Variants in RASSF8 observed in about 807,000 individuals in gnomAD.
RASSF8 encodes Ras association domain family member 8.
In RASSF8, 22 loss-of-function variants were observed where a neutral mutation model predicts 48.5. That is an observed-to-expected ratio of 0.45 (90% CI 0.32 to 0.65). The LOEUF (loss-of-function observed/expected upper bound fraction) is 0.65. Ranked by LOEUF, RASSF8 falls within the 30% of genes least tolerant of loss-of-function variation. The pLI is 0.03. For missense variants in RASSF8, 418 were observed against 489.2 expected, an observed-to-expected ratio of 0.85 and a Z score of 1.37; for synonymous variants, 127 against 171.5, an observed-to-expected ratio of 0.74 and a Z score of 2.03.
At chr12:25,984,455 G>T (rs562060817) in intron 1 of RASSF8, among the ~76,000 whole-genome samples, 42 of 152,100 alleles carry the variant, frequency 2.8e-4, no homozygotes, top group African/African-American at 9.6e-4. Flanking sequence ...CAATTCTCTG[G>T]CCTCAGCCTC....
intron 1 of RASSF8, among the ~76,000 whole-genome samples, chr12:25,964,305 A>T (rs955345044): frequency 3.1e-4 from 46 of 148,374 alleles, no homozygotes; most frequent in East Asian, 3.9e-4. Context: ...TTTTTTTTTT[A>T]AATCACATTC....
At chr12:26,075,780 AAAC>A (rs1316494833), downstream of RASSF8, among the ~76,000 whole-genome samples, 10 of 152,186 alleles carry the variant, frequency 6.6e-5, no homozygotes, top group Non-Finnish European at 1.5e-4. Flanking sequence ...TTTAAACAAG[AAAC>A]AATCAGCAAC....
intron 1 of RASSF8, among the ~76,000 whole-genome samples, chr12:25,961,143 T>C (rs1941223770): frequency 6.6e-6 from 1 of 151,928 alleles, no homozygotes; most frequent in Non-Finnish European, 1.5e-5. Flanking sequence ...AATGATTAGT[T>C]CTTCAGGGTT....
chr12:26,071,194 A>G lies in RASSF8; in HGVS notation c.*2376A>G. ...TTTTCTAAGACTCAGAGGGAAAAAAACTCGTTTTCATAGGATCATCTGAAG... is the reference window on the plus strand; with the variant it reads ...TTTTCTAAGACTCAGAGGGAAAAAAGCTCGTTTTCATAGGATCATCTGAAG... On this transcript the variant is annotated 3_prime_UTR_variant, in exon 6 of 6. Coordinates refer to ENST00000689635, the MANE Select transcript of RASSF8 (RefSeq NM_001394098.1). 1 of 979,342 alleles carries G rather than the reference A, an allele frequency of 1.0e-6. No homozygotes were observed. The highest frequency in any genetic ancestry group is 1.2e-6 in the Non-Finnish European group (1 of 824,482). The allele number at this position is 979,342 out of a possible 1,614,324, so 60.7% of individuals were successfully genotyped here.
intron 3 of RASSF8, among the ~76,000 whole-genome samples, chr12:26,060,148 C>T (rs1943708023): frequency 6.6e-6 from 1 of 151,650 alleles, no homozygotes; most frequent in African/African-American, 2.4e-5. Flanking sequence ...CTGCCCGCCT[C>T]GGCCTCCCAA....
At chr12:26,007,603 T>C (rs991964105) in intron 2 of RASSF8, among the ~76,000 whole-genome samples, 1 of 152,162 alleles carries the variant, frequency 6.6e-6, no homozygotes, top group African/African-American at 2.4e-5. Flanking sequence ...AGTGGGTCTT[T>C]AGAGAGGCCT....
chr12:26,057,827 G>C (rs12306124), intron 3 of RASSF8, among the ~76,000 whole-genome samples: 32,604 of 152,056 alleles, frequency 0.21, 3,658 homozygotes, highest in African/African-American at 0.28. Flanking sequence ...ATTCCAACTG[G>C]TGTGAGATGG....
chr12:26,014,260 A>G (rs746250721), intron 2 of RASSF8, among the ~76,000 whole-genome samples: 9 of 152,232 alleles, frequency 5.9e-5, no homozygotes, highest in Non-Finnish European at 1.0e-4. Context: ...GGCAGACATA[A>G]TTAGTTGATC....
chr12:25,973,520 G>C (rs1941532076), intron 1 of RASSF8, among the ~76,000 whole-genome samples: 4 of 152,158 alleles, frequency 2.6e-5, no homozygotes, highest in Admixed American at 2.6e-4. Context: ...CTTAACTTGA[G>C]ATGCTGAGTT....
intron 2 of RASSF8, among the ~76,000 whole-genome samples, chr12:26,015,199 C>A (rs1441559425): frequency 7.2e-6 from 1 of 138,844 alleles, no homozygotes; most frequent in Admixed American, 7.0e-5. Context: ...AGAATGAGAT[C>A]CCGTCTCAAA....
chr12:25,966,739 C>T lies in RASSF8; in HGVS notation c.-203+7591C>T, dbSNP rs140268179. Among the ~76,000 whole-genome samples, 471 of 152,214 alleles carry T rather than the reference C, an allele frequency of 3.1e-3. 6 individuals carry two copies. The highest frequency in any genetic ancestry group is 0.011 in the African/African-American group (448 of 41,548). On this transcript the variant is annotated intron_variant, in intron 1 of 5. Transcript: ENST00000689635. Reference sequence around the variant, plus strand: ...GAATTTCTCCCAGTTTGTGTCTCATCGTTTTCTTAACAGTGACTTTTGAAA... The same window carrying T: ...GAATTTCTCCCAGTTTGTGTCTCATTGTTTTCTTAACAGTGACTTTTGAAA...
chr12:26,065,148 A>G lies in RASSF8; in HGVS notation c.754A>G (p.Thr252Ala), dbSNP rs753080743. 5.6e-6 allele frequency: 9 copies of G among 1,613,972 alleles called. No homozygotes were observed. The highest frequency in any genetic ancestry group is 3.3e-4 in the Middle Eastern group (2 of 6,062). The part of the protein sequence containing the change: ...DQLQEIRQKI[T>A]ECENKLKDYL... ...ACTTCAAGAAATAAGACAGAAAATA[A>G]CAGAATGTGAAAACAAATTAAAGGA... Residue 252 changes from threonine (T) to alanine (A), a missense_variant, in exon 4 of 6, where the codon ACA (threonine) becomes GCA (alanine). Transcript: ENST00000689635.
chr12:26,002,462 G>A (rs1175853100), intron 2 of RASSF8, among the ~76,000 whole-genome samples: 1 of 151,102 alleles, frequency 6.6e-6, no homozygotes, highest in Non-Finnish European at 1.5e-5. Flanking sequence ...AAAACAAATA[G>A]AGTTAATACC....
At chr12:25,998,471 T>G (rs1470612595) in intron 2 of RASSF8, among the ~76,000 whole-genome samples, 1 of 151,694 alleles carries the variant, frequency 6.6e-6, no homozygotes, top group Non-Finnish European at 1.5e-5. Flanking sequence ...TGCCTCAGCC[T>G]CTGGAGTAGC....
At chr12:26,025,248 G>A (rs1458813203) in intron 2 of RASSF8, among the ~76,000 whole-genome samples, 1 of 151,914 alleles carries the variant, frequency 6.6e-6, no homozygotes, top group Non-Finnish European at 1.5e-5. Flanking sequence ...AGACACTTAG[G>A]CAAGAACATG....
chr12:26,037,118 G>T (rs1035603577), intron 2 of RASSF8, among the ~76,000 whole-genome samples: 3 of 152,126 alleles, frequency 2.0e-5, no homozygotes, highest in Admixed American at 2.0e-4. Context: ...GACTATAAAA[G>T]CCGTAAAGAT....
chr12:26,006,313 A>G (rs1372777658), intron 2 of RASSF8, among the ~76,000 whole-genome samples: 1 of 152,154 alleles, frequency 6.6e-6, no homozygotes, highest in African/African-American at 2.4e-5. Flanking sequence ...CATGTTAATT[A>G]ATTGTATGCC....
chr12:26,001,922 C>G (rs771234437), intron 2 of RASSF8, among the ~76,000 whole-genome samples: 2 of 152,158 alleles, frequency 1.3e-5, no homozygotes, highest in Non-Finnish European at 2.9e-5. Context: ...GTTTCTAAGA[C>G]TGGCAGTGCA....
chr12:26,054,417 T>G (rs1174432182), intron 2 of RASSF8, among the ~76,000 whole-genome samples: 2 of 152,136 alleles, frequency 1.3e-5, no homozygotes, highest in Non-Finnish European at 2.9e-5. Context: ...GAACAAACGG[T>G]TAATGTTTAT....
Sources: allele counts gnomAD v4.1 joint callset (sites outside exome capture counted in the v4.1 genomes callset), GRCh38; gene constraint gnomAD v4.1.1; transcripts MANE v1.5; gene names NCBI Gene and HGNC (gene_info 2026-07-23, HGNC 2026-07-21).